The following SLC1A2 variants were observed in gnomAD, a reference collection of about 807,000 sequenced individuals.
The protein encoded by SLC1A2 is excitatory amino acid transporter 2.
A neutral mutation model predicts 48.8 loss-of-function variants in SLC1A2; 15 were observed. The observed-to-expected ratio is 0.31, with a 90% CI of 0.21 to 0.47. SLC1A2 has a LOEUF of 0.47. Ranked by LOEUF, SLC1A2 falls within the 20% of genes least tolerant of loss-of-function variation. The pLI, the probability that SLC1A2 is intolerant of heterozygous loss-of-function variation, is 0.99. For synonymous variants in SLC1A2, 279 were observed against 272.6 expected (o/e 1.02, Z -0.23); for missense variants, 502 against 730.5 (o/e 0.69, Z 3.61).
chr11:35,338,755 C>T (rs1380083020), intron 1 of SLC1A2, among the ~76,000 whole-genome samples: 1 of 152,220 alleles, frequency 6.6e-6, no homozygotes, highest in Non-Finnish European at 1.5e-5. Context: ...GATATATTCT[C>T]TAGTTCACTT....
intron 1 of SLC1A2, among the ~76,000 whole-genome samples, chr11:35,357,867 C>G (rs1258323506): frequency 1.3e-5 from 2 of 152,114 alleles, no homozygotes; most frequent in Non-Finnish European, 2.9e-5. Context: ...GGGGGAAAGG[C>G]AGTGTGCCAT....
At chr11:35,269,225 T>G (rs1357115044) in intron 9 of SLC1A2, among the ~76,000 whole-genome samples, 1 of 152,178 alleles carries the variant, frequency 6.6e-6, no homozygotes, top group African/African-American at 2.4e-5. Flanking sequence ...AATCTCCCAG[T>G]GCCTTGATCT....
chr11:35,387,109 C>T (rs1854607409), intron 1 of SLC1A2, among the ~76,000 whole-genome samples: 1 of 152,238 alleles, frequency 6.6e-6, no homozygotes, highest in East Asian at 1.9e-4. Flanking sequence ...CTTCTGGCAC[C>T]TCCCCTCACC....
chr11:35,293,826 T>G lies in SLC1A2; in HGVS notation c.858-1306A>C, dbSNP rs114024277. Among the ~76,000 whole-genome samples the G allele has an allele frequency of 7.5e-3, 1,140 of 152,284 alleles. 15 individuals carry two copies. The highest frequency in any genetic ancestry group is 0.025 in the African/African-American group (1,051 of 41,542). On this transcript the variant is annotated intron_variant, in intron 6 of 10. Coordinates refer to ENST00000278379, the MANE Select transcript of SLC1A2 (RefSeq NM_004171.4). ...ATGTGAAGAGTAGATGAGACACATA[T>G]ATATGAATACTACATAAGACATGGA...
At chr11:35,402,961 G>GA (rs1419735660) in intron 1 of SLC1A2, among the ~76,000 whole-genome samples, 6 of 152,234 alleles carry the variant, frequency 3.9e-5, no homozygotes, top group Non-Finnish European at 5.9e-5. Context: ...CTATGGAAAA[G>GA]AATTAGCAAA....
At chr11:35,394,229 C>T (rs1854880947) in intron 1 of SLC1A2, among the ~76,000 whole-genome samples, 1 of 151,980 alleles carries the variant, frequency 6.6e-6, no homozygotes, top group Non-Finnish European at 1.5e-5. Context: ...GCCTGAGGTC[C>T]ACACTCTGTC....
chr11:35,262,730 A>C (rs1201171414), intron 10 of SLC1A2, among the ~76,000 whole-genome samples: 1 of 152,252 alleles, frequency 6.6e-6, no homozygotes. Context: ...TACCTAGCAA[A>C]GGCTGAGGAT....
chr11:35,321,591 T>C (rs1852069176), intron 1 of SLC1A2, among the ~76,000 whole-genome samples: 1 of 152,090 alleles, frequency 6.6e-6, no homozygotes, highest in South Asian at 2.1e-4. Flanking sequence ...TAATAAGTCA[T>C]GCTGGGCCCT....
intron 1 of SLC1A2, among the ~76,000 whole-genome samples, chr11:35,349,586 C>T (rs984853423): frequency 1.3e-5 from 2 of 152,204 alleles, no homozygotes. Flanking sequence ...TCAGTCCTTT[C>T]GCTGCAGCTA....
At chr11:35,331,991 G>A (rs116052894) in intron 1 of SLC1A2, among the ~76,000 whole-genome samples, 3,451 of 152,244 alleles carry the variant, frequency 0.023, 118 homozygotes, top group African/African-American at 0.078. Flanking sequence ...ACCCAAGTCT[G>A]CAGGGACTGG....
intron 1 of SLC1A2, among the ~76,000 whole-genome samples, chr11:35,343,450 C>T (rs985067917): frequency 6.6e-6 from 1 of 152,232 alleles, no homozygotes; most frequent in East Asian, 1.9e-4. Context: ...GAATATTCCA[C>T]TCCTTGGTTA....
At chr11:35,380,842 GA>G (rs1854398916) in intron 1 of SLC1A2, among the ~76,000 whole-genome samples, 1 of 152,182 alleles carries the variant, frequency 6.6e-6, no homozygotes, top group South Asian at 2.1e-4. Context: ...AGCTGCACTG[GA>G]TGACTGTTAT....
intron 1 of SLC1A2, among the ~76,000 whole-genome samples, chr11:35,388,434 G>T (rs1460502211): frequency 6.6e-6 from 1 of 152,138 alleles, no homozygotes; most frequent in Non-Finnish European, 1.5e-5. Flanking sequence ...TCACTCTGTT[G>T]CCCAGACTGG....
At chr11:35,380,164 A>G (rs775644798) in intron 1 of SLC1A2, among the ~76,000 whole-genome samples, 1 of 152,240 alleles carries the variant, frequency 6.6e-6, no homozygotes, top group Non-Finnish European at 1.5e-5. Flanking sequence ...TAAGACAATC[A>G]ACATTAAGCA....
chr11:35,308,912 T>C (rs910397721), intron 4 of SLC1A2, among the ~76,000 whole-genome samples: 1 of 152,170 alleles, frequency 6.6e-6, no homozygotes, highest in Non-Finnish European at 1.5e-5. Flanking sequence ...CCTATCTATA[T>C]CCTTAGCTTC....
chr11:35,397,982 A>C (rs1302646119), intron 1 of SLC1A2, among the ~76,000 whole-genome samples: 1 of 152,218 alleles, frequency 6.6e-6, no homozygotes, highest in Non-Finnish European at 1.5e-5. Context: ...CTCACAAAGC[A>C]TATTGTGAGA....
chr11:35,398,398 C>T (rs898112176), intron 1 of SLC1A2, among the ~76,000 whole-genome samples: 1 of 152,104 alleles, frequency 6.6e-6, no homozygotes, highest in Non-Finnish European at 1.5e-5. Flanking sequence ...TCCTAAGCAA[C>T]TTTAGGCAGG....
At chr11:35,272,305 T>G (rs951229875) in intron 9 of SLC1A2, among the ~76,000 whole-genome samples, 1 of 152,176 alleles carries the variant, frequency 6.6e-6, no homozygotes, top group Non-Finnish European at 1.5e-5. Flanking sequence ...GAAAATAGGT[T>G]TCTAAGTGAG....
At chr11:35,322,652 T>C (rs892502169) in intron 1 of SLC1A2, 1 of 1,534,586 alleles carries the variant, frequency 6.5e-7, no homozygotes, top group African/African-American at 1.4e-5. Flanking sequence ...TGTCCAGAGA[T>C]TGCCCTACTG....
Sources: allele counts gnomAD v4.1 joint callset (sites outside exome capture counted in the v4.1 genomes callset), GRCh38; gene constraint gnomAD v4.1.1; transcripts MANE v1.5; gene names NCBI Gene and HGNC (gene_info 2026-07-23, HGNC 2026-07-21).